The following RTN4R variants were observed in gnomAD, a reference collection of about 807,000 sequenced individuals.
RTN4R encodes reticulon 4 receptor.
In RTN4R, 4 loss-of-function variants were observed where a neutral mutation model predicts 27.7. That is an observed-to-expected ratio of 0.14 (90% CI 0.07 to 0.33). The LOEUF (loss-of-function observed/expected upper bound fraction) is 0.33. RTN4R is among the 10% of genes least tolerant of loss of function. The pLI is 1.00. For synonymous variants in RTN4R, 290 were observed against 305.6 expected (o/e 0.95, Z 0.53); for missense variants, 554 against 671.5 (o/e 0.83, Z 1.93).
chr22:20,266,651 G>GC (rs1172789029), intron 1 of RTN4R, among the ~76,000 whole-genome samples: 1 of 152,214 alleles, frequency 6.6e-6, no homozygotes, highest in African/African-American at 2.4e-5. Context: ...ATCTGCCTCA[G>GC]CCCTGGTGGG....
rs1186675447 is a variant in RTN4R, at chr22:20,241,489, C to G, written c.*222G>C. On this transcript the variant is annotated 3_prime_UTR_variant, in exon 2 of 2. Transcript: ENST00000043402. ...AAAATAAAATGCATATCTCTATATA[C>G]CGCGATCTGGGTGGGAGGCGGCGTT... 1.7e-6 allele frequency: 1 copy of G among 593,258 alleles called. No individual in the cohort carries two copies. The highest frequency in any genetic ancestry group is 3.0e-6 in the Non-Finnish European group (1 of 331,862). The allele number at this position is 593,258 out of a possible 1,614,324, so 36.7% of individuals were successfully genotyped here. A position where few individuals can be genotyped will look rare whatever the true frequency, so the allele number is the denominator to read the frequency against.
chr22:20,258,280 T>A (rs1432794198), intron 1 of RTN4R, among the ~76,000 whole-genome samples: 1 of 152,132 alleles, frequency 6.6e-6, no homozygotes, highest in Admixed American at 6.5e-5. Flanking sequence ...CCTGCCCTAT[T>A]CCCAGACACA....
At position 20,243,009 on chromosome 22, in the gene RTN4R, T is replaced by C. The variant is rs770557657; in HGVS notation, c.124A>G (p.Ser42Gly). 3 of 1,608,492 alleles carry C rather than the reference T, an allele frequency of 1.9e-6. No individual in the cohort carries two copies. Among genetic ancestry groups the C allele is most frequent in the East Asian group, 2.2e-5 (1 of 44,888 alleles). The change falls in exon 2 of 2, where the codon AGC becomes GGC. Residue 42 changes from serine to glycine, a missense_variant. Coordinates refer to ENST00000043402, the MANE Select transcript of RTN4R (RefSeq NM_023004.6). ...VCYNEPKVTT[S>G]CPQQGLQAVP... ...GCCTGCAGGCCCTGCTGGGGGCAGC[T>C]TGTCGTCACCTTGGGCTCATTGTAG...
rs1206411807 is a variant in RTN4R, at chr22:20,255,266, TAAATAA to T, written c.23-12162_23-12157del. ...TGGCACTAAAATCTCAGAAAACAGA[TAAATAA>T]AAAGAAAAAAAAGAAAGTGTATCTT... On this transcript the variant is annotated intron_variant, in intron 1 of 1. Coordinates refer to ENST00000043402, the MANE Select transcript of RTN4R (RefSeq NM_023004.6). This position sits in a 1 kb window ranked among gnomAD's most constrained non-coding sequence, Gnocchi z 4.8. 6.6e-6 allele frequency among the ~76,000 whole-genome samples: 1 copy of T among 151,812 alleles called. No homozygotes were observed. Among genetic ancestry groups the T allele is most frequent in the Non-Finnish European group, 1.5e-5 (1 of 67,962 alleles).
At position 20,242,004 on chromosome 22, in the gene RTN4R, G is replaced by A. The variant is rs748655075; in HGVS notation, c.1129C>T (p.Arg377Trp). ...DSPPGNGSGP[R>W]HINDSPFGTL... The stretch of plus-strand genomic sequence containing the variant: ...CCAAAGGGTGAGTCATTGATGTGCC[G>A]TGGGCCAGAGCCGTTGCCCGGCGGG... Residue 377 changes from arginine to tryptophan, a missense_variant, in exon 2 of 2, where the codon CGG becomes TGG. Arg to Trp is a moderately radical substitution (Grantham distance 101, BLOSUM62 -3). Coordinates refer to ENST00000043402, the MANE Select transcript of RTN4R (RefSeq NM_023004.6). 1.6e-5 allele frequency: 25 copies of A among 1,610,790 alleles called. No homozygotes were observed. Among genetic ancestry groups the A allele is most frequent in the East Asian group, 4.5e-5 (2 of 44,868 alleles).
At chr22:20,244,413 G>A (rs139512561) in intron 1 of RTN4R, among the ~76,000 whole-genome samples, 93 of 152,328 alleles carry the variant, frequency 6.1e-4, no homozygotes, top group Non-Finnish European at 8.5e-4. Flanking sequence ...AGCCCAGCAC[G>A]CGCAGTGACC....
chr22:20,267,994 C>T (rs572361632), intron 1 of RTN4R, 77 bp downstream of exon 1: 2 of 876,428 alleles, frequency 2.3e-6, no homozygotes, highest in Non-Finnish European at 1.5e-6. Flanking sequence ...ACGGGCCCTG[C>T]GGCTCCGGGG....
At chr22:20,243,780 T>A (rs2051124207) in intron 1 of RTN4R, 1 of 303,582 alleles carries the variant, frequency 3.3e-6, no homozygotes, top group Non-Finnish European at 6.8e-6. Context: ...CTGGGAGGAG[T>A]TCACTCCTCC....
Position 20,248,916 on chromosome 22 carries a change from T to C in RTN4R, c.23-5806A>G, listed in dbSNP as rs574731860. ...TGGAGGGCTCCAGAACCTTGCCCCA[T>C]CCAGCCCATACACCCCTCACTGGAG... On this transcript the variant is annotated intron_variant, in intron 1 of 1. Coordinates refer to ENST00000043402, the MANE Select transcript of RTN4R (RefSeq NM_023004.6). Among the ~76,000 whole-genome samples, 24 of 152,164 alleles carry C rather than the reference T, an allele frequency of 1.6e-4. No individual in the cohort carries two copies. In the South Asian group the frequency reaches 1.9e-3, roughly 12 times the overall value.
intron 1 of RTN4R, among the ~76,000 whole-genome samples, chr22:20,261,748 C>T (rs959317360): frequency 6.6e-6 from 1 of 152,250 alleles, no homozygotes; most frequent in Admixed American, 6.5e-5. Context: ...CTGTCCCACC[C>T]TTCATGGCTT....
At position 20,242,357 on chromosome 22, in the gene RTN4R, T is replaced by C; in HGVS notation, c.776A>G (p.Asp259Gly). ...CCGGCAGTCACACACCCAGGGGTTG[T>C]CGTTGAGCCTCAGGTACTGCAGGGC... Reference protein sequence around the residue: ...LRALQYLRLNDNPWVCDCRAR... With the variant: ...LRALQYLRLNGNPWVCDCRAR... Residue 259 changes from aspartate to glycine, a missense_variant, in exon 2 of 2, where the codon GAC (aspartate) becomes GGC (glycine). Asp to Gly is a moderately conservative substitution (Grantham distance 94, BLOSUM62 -1). This residue lies in a region of RTN4R where 413 missense variants were observed against 542.3 expected (regional missense o/e 0.76). Transcript: ENST00000043402. 1 of 1,612,606 alleles carries C rather than the reference T, an allele frequency of 6.2e-7. No individual in the cohort carries two copies. The highest frequency in any genetic ancestry group is 8.5e-7 in the Non-Finnish European group (1 of 1,179,818).
At chr22:20,267,973 G>C in intron 1 of RTN4R, 98 bp downstream of exon 1, 2 of 688,686 alleles carry the variant, frequency 2.9e-6, no homozygotes, top group Non-Finnish European at 3.9e-6. Flanking sequence ...CCCTCGCCTC[G>C]GCAGCCCGGG....
At chr22:20,246,650 G>C (rs1285856735) in intron 1 of RTN4R, among the ~76,000 whole-genome samples, 1 of 152,190 alleles carries the variant, frequency 6.6e-6, no homozygotes, top group Admixed American at 6.5e-5. Context: ...TGTGGTCCCT[G>C]GCCCCCACTG....
rs372020059 is a variant in RTN4R at position 20,242,192 on chromosome 22, C to G, written c.941G>C (p.Gly314Ala). 8 of 1,610,250 alleles carry G rather than the reference C, an allele frequency of 5.0e-6. No individual in the cohort carries two copies. The African/African-American group carries it at 8.0e-5, about 16-fold the overall frequency. ...NDLQGCAVAT[G>A]PYHPIWTGRA... ...GCCGGTCCAGATGGGATGGTAAGGG[C>G]CGGTGGCCACAGCGCAGCCCTGCAG... The change falls in exon 2 of 2, where the codon GGC becomes GCC. Residue 314 changes from glycine (G) to alanine (A), a missense_variant. Gly to Ala is a moderately conservative substitution (Grantham distance 60). This residue lies in a region of RTN4R where 413 missense variants were observed against 542.3 expected (regional missense o/e 0.76). Coordinates refer to ENST00000043402, the MANE Select transcript of RTN4R (RefSeq NM_023004.6).
intron 1 of RTN4R, among the ~76,000 whole-genome samples, chr22:20,267,397 G>A (rs1569044080): frequency 6.6e-6 from 1 of 152,290 alleles, no homozygotes; most frequent in East Asian, 1.9e-4. Context: ...CCGGTGGGGC[G>A]GGGGAGTCCC....
chr22:20,254,636 A>G lies in RTN4R; in HGVS notation c.23-11526T>C, dbSNP rs566472139. On this transcript the variant is annotated intron_variant, in intron 1 of 1. Transcript: ENST00000043402. ...TGATTCTTCACCATATCTTCTTTAG[A>G]GAGTGAGTCAGGCTTATGTTTCAGC... Among the ~76,000 whole-genome samples, 5 of 151,976 alleles carry G rather than the reference A, an allele frequency of 3.3e-5. No homozygotes were observed. In the East Asian group the frequency reaches 7.7e-4, roughly 23 times the overall value.
chr22:20,245,726 C>T (rs1290482800), intron 1 of RTN4R, among the ~76,000 whole-genome samples: 1 of 152,246 alleles, frequency 6.6e-6, no homozygotes, highest in Admixed American at 6.5e-5. Flanking sequence ...GGATGCTCTA[C>T]TGTCCTTCTG....
chr22:20,265,516 CCAG>C (rs1206873058), intron 1 of RTN4R, among the ~76,000 whole-genome samples: 4 of 152,194 alleles, frequency 2.6e-5, no homozygotes, highest in Non-Finnish European at 5.9e-5. Flanking sequence ...TCTGCCAGTC[CCAG>C]CAGAAGGACC....
chr22:20,260,608 A>G (rs1050291747), intron 1 of RTN4R, among the ~76,000 whole-genome samples: 2 of 152,132 alleles, frequency 1.3e-5, no homozygotes, highest in Admixed American at 6.5e-5. Flanking sequence ...GGTAGGTGGA[A>G]GGGGCTTCTG....
Sources: allele counts gnomAD v4.1 joint callset (sites outside exome capture counted in the v4.1 genomes callset), GRCh38; gene constraint gnomAD v4.1.1; regional missense constraint gnomAD v4.1.1; non-coding constraint Gnocchi (gnomAD v3.1); transcripts MANE v1.5; gene names NCBI Gene and HGNC (gene_info 2026-07-23, HGNC 2026-07-21).